SSPN: variants seen among roughly 807,000 people sequenced by gnomAD.
The protein encoded by SSPN is sarcospan.
SSPN carries 15 observed loss-of-function variants against 19.1 expected under a neutral mutation model. The ratio of observed to expected loss-of-function variants is 0.78; its 90% CI spans 0.52 to 1.21. The LOEUF (loss-of-function observed/expected upper bound fraction) is 1.21. Among genes scored for constraint, SSPN ranks in the 50% most tolerant of loss-of-function variants. The probability of loss-of-function intolerance (pLI) is 0.00; values close to 1 mark genes in which losing one functional copy is unlikely to be tolerated. For synonymous variants in SSPN, 147 were observed against 140.3 expected, an observed-to-expected ratio of 1.05 and a Z score of -0.34; for missense variants, 291 against 314.0, an observed-to-expected ratio of 0.93 and a Z score of 0.55.
intron 1 of SSPN, among the ~76,000 whole-genome samples, chr12:26,201,979 G>A (rs1300184547): frequency 6.6e-6 from 1 of 152,062 alleles, no homozygotes; most frequent in Non-Finnish European, 1.5e-5. Context: ...CAGGGGATTG[G>A]TACTGGGACT....
At chr12:26,224,763 T>A (rs1300637395) in intron 2 of SSPN, among the ~76,000 whole-genome samples, 1 of 150,604 alleles carries the variant, frequency 6.6e-6, no homozygotes, top group South Asian at 2.1e-4. Flanking sequence ...TATTTCCTCT[T>A]GTAGGTGGGA....
chr12:26,195,918 A>C lies in SSPN; in HGVS notation c.246A>C (p.Leu82=). The change falls in exon 1 of 3, where the codon CTA becomes CTC. Residue 82 remains leucine, a synonymous_variant. Transcript: ENST00000242729. ...TGGCGAGCATCAGCTCCTCCCTGCT[A>C]GTCAGGGACACTCCATTTTGGGCTG... ...FLMASISSSL[L]VRDTPFWAGI... is the part of the protein sequence containing the mutation. The C allele has an allele frequency of 6.4e-7, 1 of 1,558,178 alleles. No homozygotes were observed. The highest frequency in any genetic ancestry group is 1.7e-4 in the Middle Eastern group (1 of 5,868).
intron 1 of SSPN, 91 bp from the exon 2 acceptor site, chr12:26,224,201 TG>T: frequency 1.2e-6 from 1 of 858,374 alleles, no homozygotes; most frequent in Non-Finnish European, 2.0e-6. Flanking sequence ...CTTTATAACA[TG>T]GATGTGACTG....
chr12:26,196,678 A>G (rs1944833228), intron 1 of SSPN, among the ~76,000 whole-genome samples: 1 of 152,226 alleles, frequency 6.6e-6, no homozygotes, highest in African/African-American at 2.4e-5. Context: ...AACGGGTGCC[A>G]CTTACTGAAT....
chr12:26,153,749 G>C (rs1327612427), intron 1 of SSPN, among the ~76,000 whole-genome samples: 2 of 152,156 alleles, frequency 1.3e-5, no homozygotes, highest in Non-Finnish European at 2.9e-5. Flanking sequence ...ACGAATTCTG[G>C]GTTCTGGTCC....
chr12:26,201,278 T>C (rs1346108447), intron 1 of SSPN, among the ~76,000 whole-genome samples: 1 of 150,332 alleles, frequency 6.7e-6, no homozygotes, highest in Non-Finnish European at 1.5e-5. Context: ...CTCGGGAGGC[T>C]GAGGTGGGAG....
intron 1 of SSPN, among the ~76,000 whole-genome samples, chr12:26,182,518 A>G (rs1944724702): frequency 6.6e-6 from 1 of 151,966 alleles, no homozygotes; most frequent in South Asian, 2.1e-4. Flanking sequence ...AAGGTGAAGG[A>G]CCAGGCTCAT....
chr12:26,126,493 G>A (rs138620522), intron 1 of SSPN: 5,918 of 152,332 alleles, frequency 0.039, 152 homozygotes, highest in South Asian at 0.069. Context: ...CCAGGGCGCA[G>A]CAGGGACTGG....
At chr12:26,149,305 T>C (rs1182431418) in intron 1 of SSPN, among the ~76,000 whole-genome samples, 1 of 152,250 alleles carries the variant, frequency 6.6e-6, no homozygotes, top group African/African-American at 2.4e-5. Context: ...TGTATACATC[T>C]ACAATTCCTT....
At chr12:26,140,214 G>A (rs746281417) in intron 1 of SSPN, among the ~76,000 whole-genome samples, 1 of 152,062 alleles carries the variant, frequency 6.6e-6, no homozygotes, top group African/African-American at 2.4e-5. Context: ...CTGGTACGTC[G>A]TAATGTCCAT....
chr12:26,225,169 CAT>C (rs1945164508), intron 2 of SSPN, among the ~76,000 whole-genome samples: 1 of 149,612 alleles, frequency 6.7e-6, no homozygotes, highest in Non-Finnish European at 1.5e-5. Context: ...TACAAGAAAA[CAT>C]ATAAAAACTG....
At chr12:26,158,956 G>A (rs1238585063) in intron 1 of SSPN, among the ~76,000 whole-genome samples, 1 of 152,246 alleles carries the variant, frequency 6.6e-6, no homozygotes, top group Non-Finnish European at 1.5e-5. Context: ...ACTGACAGCA[G>A]CAGAGACAGC....
chr12:26,158,783 C>T (rs1944570611), intron 1 of SSPN, among the ~76,000 whole-genome samples: 1 of 152,220 alleles, frequency 6.6e-6, no homozygotes, highest in Non-Finnish European at 1.5e-5. Flanking sequence ...ACAGTGGTTC[C>T]TTTAAAGCAA....
At chr12:26,227,264 AG>A (rs1197307865) in intron 2 of SSPN, among the ~76,000 whole-genome samples, 1 of 152,162 alleles carries the variant, frequency 6.6e-6, no homozygotes, top group Non-Finnish European at 1.5e-5. Flanking sequence ...TGCAGGCTTT[AG>A]GGGGGATCGA....
chr12:26,122,179 G>T, intron 1 of SSPN: 1 of 1,494,966 alleles, frequency 6.7e-7, no homozygotes, highest in Non-Finnish European at 8.9e-7. Context: ...GGGTGCTGGG[G>T]GTGCGGCGCC....
At chr12:26,135,589 A>G (rs907920144) in intron 1 of SSPN, among the ~76,000 whole-genome samples, 3 of 152,194 alleles carry the variant, frequency 2.0e-5, no homozygotes, top group African/African-American at 7.2e-5. Context: ...GGTCAGAAAC[A>G]CATCAACCCT....
At chr12:26,205,959 G>C (rs754331544) in intron 1 of SSPN, among the ~76,000 whole-genome samples, 5 of 152,138 alleles carry the variant, frequency 3.3e-5, no homozygotes, top group Non-Finnish European at 7.4e-5. Context: ...AAAGGGCTTC[G>C]GTGTGCATTA....
chr12:26,179,030 C>T (rs1565679469), intron 1 of SSPN, among the ~76,000 whole-genome samples: 1 of 152,074 alleles, frequency 6.6e-6, no homozygotes, highest in Non-Finnish European at 1.5e-5. Context: ...TGGACAATGA[C>T]GGGAAGACTT....
At chr12:26,160,123 C>A (rs1387024772) in intron 1 of SSPN, among the ~76,000 whole-genome samples, 1 of 152,212 alleles carries the variant, frequency 6.6e-6, no homozygotes, top group African/African-American at 2.4e-5. Flanking sequence ...GAAGCTGGAA[C>A]CAGATCTGTC....
Sources: allele counts gnomAD v4.1 joint callset (sites outside exome capture counted in the v4.1 genomes callset), GRCh38; gene constraint gnomAD v4.1.1; transcripts MANE v1.5; gene names NCBI Gene and HGNC (gene_info 2026-07-23, HGNC 2026-07-21).